Variants in PRKCE observed in about 807,000 individuals in gnomAD.
PRKCE encodes protein kinase C epsilon.
Under a neutral mutation model 85.4 loss-of-function variants are expected in PRKCE, and 16 were observed. The ratio of observed to expected loss-of-function variants is 0.19; its 90% CI spans 0.13 to 0.28. The LOEUF (loss-of-function observed/expected upper bound fraction) is 0.28, where lower values mean the gene tolerates loss of function less well. PRKCE is among the 10% of genes least tolerant of loss of function. The pLI, the probability that PRKCE is intolerant of heterozygous loss-of-function variation, is 1.00. For synonymous variants in PRKCE, 388 were observed against 371.5 expected (o/e 1.04, Z -0.51); for missense variants, 573 against 975.2 (o/e 0.59, Z 5.49).
chr2:46,030,556 C>T (rs1288358250), intron 10 of PRKCE, among the ~76,000 whole-genome samples: 2 of 152,114 alleles, frequency 1.3e-5, no homozygotes, highest in African/African-American at 4.8e-5. Flanking sequence ...TCCTGTCCCT[C>T]CTCCCTCTTG....
At chr2:46,070,543 T>C (rs754764315) in intron 10 of PRKCE, among the ~76,000 whole-genome samples, 7 of 152,084 alleles carry the variant, frequency 4.6e-5, no homozygotes, top group Non-Finnish European at 8.8e-5. Flanking sequence ...TTCAGGAGGC[T>C]GAGGCAGGAG....
chr2:45,662,425 C>G (rs562327003), intron 1 of PRKCE, among the ~76,000 whole-genome samples: 4 of 152,108 alleles, frequency 2.6e-5, no homozygotes, highest in Non-Finnish European at 4.4e-5. Flanking sequence ...TTCTTCAGGA[C>G]TGGATTGGCT....
At chr2:46,179,498 C>T (rs932233867) in intron 14 of PRKCE, among the ~76,000 whole-genome samples, 3 of 152,106 alleles carry the variant, frequency 2.0e-5, no homozygotes, top group Non-Finnish European at 4.4e-5. Context: ...CAAAAATGTG[C>T]CCTTCCCCCA....
chr2:46,070,647 A>C (rs529773980), intron 10 of PRKCE, among the ~76,000 whole-genome samples: 5 of 151,838 alleles, frequency 3.3e-5, no homozygotes, highest in South Asian at 4.2e-4. Context: ...CGTCTCAAAA[A>C]AAAAACAAAA....
At chr2:45,973,431 A>G (rs1702237725) in intron 2 of PRKCE, among the ~76,000 whole-genome samples, 1 of 152,200 alleles carries the variant, frequency 6.6e-6, no homozygotes, top group South Asian at 2.1e-4. Context: ...AAGTTTACCC[A>G]TGTTCTTTCC....
At chr2:45,951,038 T>C (rs773582410) in intron 2 of PRKCE, among the ~76,000 whole-genome samples, 36 of 152,170 alleles carry the variant, frequency 2.4e-4, no homozygotes, top group Non-Finnish European at 4.3e-4. Context: ...TGAATTGCAC[T>C]ACAATCCTGC....
chr2:46,151,698 G>A (rs1405051218), intron 13 of PRKCE, among the ~76,000 whole-genome samples: 1 of 152,248 alleles, frequency 6.6e-6, no homozygotes, highest in Non-Finnish European at 1.5e-5. Flanking sequence ...GTCCACGACA[G>A]CATCACTGTG....
At chr2:46,085,558 G>GGACCTGGATATCTTCTAGAGGAGGAT (rs1315975184) in intron 10 of PRKCE, among the ~76,000 whole-genome samples, 4 of 147,506 alleles carry the variant, frequency 2.7e-5, no homozygotes, top group Admixed American at 6.8e-5. Flanking sequence ...CCTTTGGCTT[G>GGACCTGGATATCTTCTAGAGGAGGAT]TGACTGTTTC....
At chr2:45,916,800 G>A (rs927956577) in intron 2 of PRKCE, among the ~76,000 whole-genome samples, 1 of 152,186 alleles carries the variant, frequency 6.6e-6, no homozygotes, top group African/African-American at 2.4e-5. Context: ...CAAGAATGAA[G>A]CCGTGGACCC....
chr2:45,762,246 G>GT (rs1684569511), intron 1 of PRKCE, among the ~76,000 whole-genome samples: 1 of 152,270 alleles, frequency 6.6e-6, no homozygotes, highest in Non-Finnish European at 1.5e-5. Context: ...ACCAGGATCA[G>GT]TAAGCATTCA....
intron 10 of PRKCE, 25 bp downstream of exon 10, chr2:46,010,542 C>G: frequency 2.5e-6 from 4 of 1,598,198 alleles, no homozygotes; most frequent in Non-Finnish European, 3.4e-6. Flanking sequence ...AGCTGGCTGG[C>G]TGCCATGTTG....
intron 2 of PRKCE, among the ~76,000 whole-genome samples, chr2:45,889,285 C>T (rs775241873): frequency 4.6e-5 from 7 of 152,048 alleles, no homozygotes; most frequent in Non-Finnish European, 1.0e-4. Context: ...CCGACTCCAC[C>T]TTATAAGGAC....
chr2:45,909,100 A>G (rs770203665), intron 2 of PRKCE, among the ~76,000 whole-genome samples: 14 of 152,256 alleles, frequency 9.2e-5, no homozygotes, highest in Non-Finnish European at 1.6e-4. Flanking sequence ...TTTTGCTAAA[A>G]TAACGTCATT....
chr2:46,069,689 T>C (rs918521573), intron 10 of PRKCE, among the ~76,000 whole-genome samples: 9 of 152,246 alleles, frequency 5.9e-5, no homozygotes, highest in Admixed American at 6.5e-5. Flanking sequence ...ATCACTGTTA[T>C]AATAAAATTA....
At chr2:45,990,747 C>T (rs969235425) in intron 6 of PRKCE, among the ~76,000 whole-genome samples, 2 of 150,230 alleles carry the variant, frequency 1.3e-5, no homozygotes, top group Admixed American at 6.6e-5. Flanking sequence ...CTGCAACTTT[C>T]ACCTCCCAGG....
intron 1 of PRKCE, among the ~76,000 whole-genome samples, chr2:45,729,896 C>G (rs1384148048): frequency 6.6e-6 from 1 of 152,126 alleles, no homozygotes; most frequent in East Asian, 1.9e-4. Context: ...ACTAGCTCCA[C>G]CTGGAGTCTT....
At chr2:45,758,888 G>A (rs1344766378) in intron 1 of PRKCE, among the ~76,000 whole-genome samples, 1 of 152,176 alleles carries the variant, frequency 6.6e-6, no homozygotes, top group Admixed American at 6.5e-5. Flanking sequence ...AAGTGCAGAG[G>A]GTGCATTGCA....
At chr2:45,714,671 G>T (rs72884482) in intron 1 of PRKCE, among the ~76,000 whole-genome samples, 3,154 of 152,276 alleles carry the variant, frequency 0.021, 101 homozygotes, top group African/African-American at 0.073. Flanking sequence ...TGTTAAAGAG[G>T]TCCTGTGTGG....
intron 2 of PRKCE, among the ~76,000 whole-genome samples, chr2:45,945,332 A>C (rs1376650234): frequency 6.6e-6 from 1 of 151,908 alleles, no homozygotes; most frequent in Non-Finnish European, 1.5e-5. Flanking sequence ...GGTGAAGGGG[A>C]AGCCAGCATG....
Sources: allele counts gnomAD v4.1 joint callset (sites outside exome capture counted in the v4.1 genomes callset), GRCh38; gene constraint gnomAD v4.1.1; transcripts MANE v1.5; gene names NCBI Gene and HGNC (gene_info 2026-07-23, HGNC 2026-07-21).